TUSC3: variants seen among roughly 807,000 people sequenced by gnomAD.
TUSC3 encodes dolichyl-diphosphooligosaccharide--protein glycosyltransferase subunit TUSC3.
A neutral mutation model predicts 44.8 loss-of-function variants in TUSC3; 45 were observed. The ratio of observed to expected loss-of-function variants is 1.00; its 90% CI spans 0.79 to 1.29. TUSC3 has a LOEUF of 1.29. Ranked by LOEUF, TUSC3 falls within the 50% of genes most tolerant of loss-of-function variation. TUSC3 has a pLI of 0.00. For missense variants in TUSC3, 519 were observed against 437.9 expected (o/e 1.19, Z -1.65); for synonymous variants, 212 against 152.9 (o/e 1.39, Z -2.85).
At chr8:15,595,484 C>G (rs1804028542) in intron 1 of TUSC3, among the ~76,000 whole-genome samples, 1 of 152,148 alleles carries the variant, frequency 6.6e-6, no homozygotes, top group Non-Finnish European at 1.5e-5. Flanking sequence ...ACATAGGGCT[C>G]ACTTTGTTCC....
At chr8:15,831,959 T>A in the TUSC3 span, among the ~76,000 whole-genome samples, 3 of 152,048 alleles carry the variant, frequency 2.0e-5, no homozygotes, top group African/African-American at 4.8e-5. Flanking sequence ...GTAAGATACT[T>A]CAAAGAAGAT....
At chr8:15,512,465 A>G (rs1406176838) in intron 2 of TUSC3, among the ~76,000 whole-genome samples, 1 of 152,056 alleles carries the variant, frequency 6.6e-6, no homozygotes, top group Non-Finnish European at 1.5e-5. Context: ...CATGTGAACT[A>G]ATTCTTTAAC....
intron 1 of TUSC3, among the ~76,000 whole-genome samples, chr8:15,575,272 T>A (rs1193915566): frequency 1.3e-5 from 2 of 152,182 alleles, no homozygotes; most frequent in South Asian, 4.1e-4. Flanking sequence ...TAAGACTGCT[T>A]TGTCATGTAG....
intron 2 of TUSC3, among the ~76,000 whole-genome samples, chr8:15,529,813 C>T (rs1161045155): frequency 1.0e-5 from 1 of 99,108 alleles, no homozygotes; most frequent in Admixed American, 1.3e-4. Flanking sequence ...TTTTTTGAGA[C>T]GGAGTCTCGC....
intron 1 of TUSC3, among the ~76,000 whole-genome samples, chr8:15,466,072 A>G (rs547220844): frequency 6.6e-6 from 1 of 152,204 alleles, no homozygotes; most frequent in Admixed American, 6.6e-5. Context: ...CTTCCTGGGA[A>G]CAATGCTTTA....
chr8:15,757,774 T>C lies in TUSC3; in HGVS notation c.1029-17T>C. On this transcript the variant is annotated splice_polypyrimidine_tract_variant and intron_variant, in intron 9 of 10. Transcript: ENST00000503731. ...TTTTTTCCATATTGTTGTATTTCAT[T>C]GTGGTGTATTGGAAAGTGATCTGGA... is the stretch of plus-strand genomic sequence containing the variant. 1.4e-6 allele frequency: 2 copies of C among 1,479,282 alleles called. No homozygotes were observed. The highest frequency in any genetic ancestry group is 1.9e-6 in the Non-Finnish European group (2 of 1,057,360). The allele number at this position is 1,479,282 out of a possible 1,614,324, so 91.6% of individuals were successfully genotyped here.
At chr8:15,462,085 T>C (rs1165789677) in intron 1 of TUSC3, among the ~76,000 whole-genome samples, 1 of 152,014 alleles carries the variant, frequency 6.6e-6, no homozygotes, top group Non-Finnish European at 1.5e-5. Context: ...GGACAAAAAT[T>C]GTTTAGCAGC....
chr8:15,534,265 T>C (rs546197358), intron 2 of TUSC3, among the ~76,000 whole-genome samples: 1 of 152,302 alleles, frequency 6.6e-6, no homozygotes, highest in African/African-American at 2.4e-5. Context: ...AGAATTTACT[T>C]TCATACTATA....
chr8:15,438,311 G>C (rs761945579), intron 1 of TUSC3, among the ~76,000 whole-genome samples: 3 of 152,138 alleles, frequency 2.0e-5, no homozygotes, highest in Non-Finnish European at 4.4e-5. Context: ...GGTCAGGCTA[G>C]TCTCAAACTC....
At chr8:15,488,470 C>G (rs552237886) in intron 2 of TUSC3, among the ~76,000 whole-genome samples, 21 of 152,216 alleles carry the variant, frequency 1.4e-4, no homozygotes, top group African/African-American at 4.3e-4. Context: ...CCACTGCACT[C>G]CAGCCTGGGT....
chr8:15,757,851 C>T lies in TUSC3; in HGVS notation c.*42C>T, dbSNP rs567326223. The T allele has an allele frequency of 1.5e-6, 2 of 1,377,322 alleles. No homozygotes were observed. The highest frequency in any genetic ancestry group is 2.3e-5 in the South Asian group (2 of 86,156). 85.3% of individuals were successfully genotyped at this position (1,377,322 alleles called of 1,614,324 possible). Reference sequence around the variant, plus strand: ...CCATGGCACTTAAAAACTCTATAACCTCAGGCAAGTCTTTTAATCTTCTCT... The same window carrying T: ...CCATGGCACTTAAAAACTCTATAACTTCAGGCAAGTCTTTTAATCTTCTCT... On this transcript the variant is annotated 3_prime_UTR_variant, in exon 10 of 11. Coordinates refer to ENST00000503731, the MANE Select transcript of TUSC3 (RefSeq NM_006765.4).
In TUSC3 at chr8:15,523,706, G is replaced by GTATATATATATATATATATATA. The variant is rs1554509643; in HGVS notation, n.189+40224_189+40225insATATATATATATATATATATAT. On this transcript the variant is annotated intron_variant and non_coding_transcript_variant, in intron 2 of 5. Coordinates refer to the TUSC3 transcript ENST00000503191. ...TGTGTGTGTGTGTGTGTGTGTGTGT[G>GTATATATATATATATATATATA]TGTATATATATATATATATAAAGTA... Among the ~76,000 whole-genome samples the GTATATATATATATATATATATA allele has an allele frequency of 1.2e-4, 13 of 112,820 alleles. 1 individual carries two copies. The highest frequency in any genetic ancestry group is 4.0e-4 in the African/African-American group (10 of 25,230). 74.0% of individuals were successfully genotyped at this position (112,820 alleles called of 152,430 possible).
At chr8:15,759,281 G>C (rs1241657006) in intron 10 of TUSC3, among the ~76,000 whole-genome samples, 1 of 151,962 alleles carries the variant, frequency 6.6e-6, no homozygotes, top group Non-Finnish European at 1.5e-5. Context: ...TGTGAGACAG[G>C]TGACATTATG....
chr8:15,662,421 T>C, intron 5 of TUSC3, 125 bp downstream of exon 5: 3 of 1,353,722 alleles, frequency 2.2e-6, no homozygotes, highest in East Asian at 4.8e-5. Context: ...GAAGTAACTT[T>C]TTAGAACTTG....
At chr8:15,508,457 CTTT>C (rs1200727081) in intron 2 of TUSC3, among the ~76,000 whole-genome samples, 810 of 79,558 alleles carry the variant, frequency 0.01, 7 homozygotes, top group African/African-American at 0.038. Flanking sequence ...TCGAAGCTTC[CTTT>C]TTTTTTTTTT....
At chr8:15,758,265 C>G in intron 10 of TUSC3, 1 of 982,982 alleles carries the variant, frequency 1.0e-6, no homozygotes, top group Non-Finnish European at 1.2e-6. Context: ...ATAAAAAATA[C>G]AAGTCTTCCA....
chr8:15,835,389 G>A, the TUSC3 span, among the ~76,000 whole-genome samples: 1 of 151,682 alleles, frequency 6.6e-6, no homozygotes, highest in Non-Finnish European at 1.5e-5. Context: ...TTTAATGGAA[G>A]AATTGGAATA....
intron 6 of TUSC3, among the ~76,000 whole-genome samples, chr8:15,721,177 G>GA (rs1810293242): frequency 6.6e-6 from 1 of 151,910 alleles, no homozygotes; most frequent in African/African-American, 2.4e-5. Context: ...CTTAGAAAAT[G>GA]AATTACAGAG....
At chr8:15,730,010 G>A (rs1231833722) in intron 6 of TUSC3, among the ~76,000 whole-genome samples, 2 of 151,882 alleles carry the variant, frequency 1.3e-5, no homozygotes, top group Admixed American at 6.6e-5. Flanking sequence ...ATAGAAAATA[G>A]GACATTTATT....
Sources: allele counts gnomAD v4.1 joint callset (sites outside exome capture counted in the v4.1 genomes callset), GRCh38; gene constraint gnomAD v4.1.1; transcripts MANE v1.5; gene names NCBI Gene and HGNC (gene_info 2026-07-23, HGNC 2026-07-21).